CSGALNACT1: variants seen among roughly 807,000 people sequenced by gnomAD.
CSGALNACT1 encodes the protein beta4GalNAcT-1.
Under a neutral mutation model 51.0 loss-of-function variants are expected in CSGALNACT1, and 52 were observed. The ratio of observed to expected loss-of-function variants is 1.02; its 90% CI spans 0.82 to 1.29. The LOEUF (loss-of-function observed/expected upper bound fraction) is 1.29. CSGALNACT1 is among the 50% of genes most tolerant of loss of function. The pLI, the probability that CSGALNACT1 is intolerant of heterozygous loss-of-function variation, is 0.00. For missense variants in CSGALNACT1, 935 were observed against 679.2 expected, an observed-to-expected ratio of 1.38 and a Z score of -4.19; for synonymous variants, 341 against 254.4, an observed-to-expected ratio of 1.34 and a Z score of -3.24.
rs533733854 is a variant in CSGALNACT1 at position 19,577,487 on chromosome 8, G to A, written c.-297+13673C>T. ...GAAGTGAGAGGATTTCTTGAGCCTA[G>A]GAATTCAAGGTTATAGTGATCTGCA... On this transcript the variant is annotated intron_variant, in intron 3 of 9. Coordinates refer to ENST00000454498, the Ensembl canonical transcript of CSGALNACT1. Among the ~76,000 whole-genome samples the A allele has an allele frequency of 6.6e-5, 10 of 151,564 alleles. No homozygotes were observed. The South Asian group carries it at 1.9e-3, about 28-fold the overall frequency.
intron 6 of CSGALNACT1, among the ~76,000 whole-genome samples, chr8:19,434,434 G>T (rs1055714079): frequency 3.3e-5 from 5 of 152,166 alleles, no homozygotes; most frequent in African/African-American, 1.2e-4. Context: ...TGAAGGATTT[G>T]AGAGTTAGTT....
At chr8:19,671,832 T>TC (rs34351542) in intron 1 of CSGALNACT1, among the ~76,000 whole-genome samples, 2 of 152,142 alleles carry the variant, frequency 1.3e-5, no homozygotes, top group African/African-American at 2.4e-5. Context: ...TTGGCTTTTT[T>TC]CCCACTTATT....
At chr8:19,419,320 T>C (rs1030903342) in intron 7 of CSGALNACT1, among the ~76,000 whole-genome samples, 4 of 151,814 alleles carry the variant, frequency 2.6e-5, no homozygotes, top group Non-Finnish European at 4.4e-5. Flanking sequence ...TGGGAGGGGG[T>C]GTGAAAGAGA....
chr8:19,586,326 T>C (rs936942404), intron 3 of CSGALNACT1, among the ~76,000 whole-genome samples: 2 of 148,862 alleles, frequency 1.3e-5, no homozygotes, highest in Non-Finnish European at 3.0e-5. Context: ...GCCACTGCAC[T>C]CCAGCCTGGG....
chr8:19,616,095 T>C (rs1288233729), intron 1 of CSGALNACT1, among the ~76,000 whole-genome samples: 2 of 152,192 alleles, frequency 1.3e-5, no homozygotes, highest in South Asian at 2.1e-4. Flanking sequence ...CATTTAATGA[T>C]GTGGCAGTGT....
chr8:19,536,259 T>G (rs1412510471), intron 3 of CSGALNACT1, among the ~76,000 whole-genome samples: 1 of 152,148 alleles, frequency 6.6e-6, no homozygotes, highest in Non-Finnish European at 1.5e-5. Flanking sequence ...CAGGGGAGGC[T>G]ACACATGCGT....
At chr8:19,596,037 A>T (rs1447756375) in intron 2 of CSGALNACT1, among the ~76,000 whole-genome samples, 1 of 151,788 alleles carries the variant, frequency 6.6e-6, no homozygotes, top group African/African-American at 2.4e-5. Context: ...CTAATTTTTA[A>T]AAATATTTTT....
At chr8:19,619,336 T>C (rs962945587) in intron 1 of CSGALNACT1, among the ~76,000 whole-genome samples, 1 of 151,540 alleles carries the variant, frequency 6.6e-6, no homozygotes, top group Non-Finnish European at 1.5e-5. Flanking sequence ...TGGCTGGAAT[T>C]TGAGATGCCT....
At chr8:19,428,566 G>A (rs946578388) in intron 6 of CSGALNACT1, among the ~76,000 whole-genome samples, 5 of 152,256 alleles carry the variant, frequency 3.3e-5, no homozygotes, top group African/African-American at 4.8e-5. Flanking sequence ...ATGAGACTTC[G>A]GTGGGAACAC....
At chr8:19,605,930 A>T (rs2051307177), upstream of CSGALNACT1, among the ~76,000 whole-genome samples, 1 of 152,214 alleles carries the variant, frequency 6.6e-6, no homozygotes, top group African/African-American at 2.4e-5. Context: ...TGTACAACTA[A>T]TAAGTGAAAG....
At chr8:19,529,694 G>T (rs2082362312) in intron 3 of CSGALNACT1, among the ~76,000 whole-genome samples, 1 of 151,968 alleles carries the variant, frequency 6.6e-6, no homozygotes, top group Non-Finnish European at 1.5e-5. Context: ...TTGTCGCTTG[G>T]TATCCATGAG....
At chr8:19,745,176 T>G (rs1264843577) in intron 1 of CSGALNACT1, among the ~76,000 whole-genome samples, 1 of 152,214 alleles carries the variant, frequency 6.6e-6, no homozygotes, top group Non-Finnish European at 1.5e-5. Context: ...ATAAAATACT[T>G]CAAATAGGGT....
intron 1 of CSGALNACT1, among the ~76,000 whole-genome samples, chr8:19,666,985 A>AAGAAAG (rs2059347899): frequency 2.4e-4 from 4 of 16,948 alleles, no homozygotes; most frequent in Non-Finnish European, 4.4e-4. Flanking sequence ...GAAAGAAAGA[A>AAGAAAG]AGAAAGAAAG....
At chr8:19,658,102 A>AC (rs1372427419) in intron 1 of CSGALNACT1, among the ~76,000 whole-genome samples, 1 of 149,706 alleles carries the variant, frequency 6.7e-6, no homozygotes, top group Non-Finnish European at 1.5e-5. Context: ...TAAAGCCCTA[A>AC]CCCCCCAATG....
chr8:19,419,170 G>C (rs6990357), intron 7 of CSGALNACT1, among the ~76,000 whole-genome samples: 75,452 of 152,000 alleles, frequency 0.5, 19,503 homozygotes, highest in East Asian at 0.82. Context: ...CTTTTCCCTT[G>C]ACTCAACTCT....
intron 1 of CSGALNACT1, among the ~76,000 whole-genome samples, chr8:19,733,515 T>C (rs2063799329): frequency 1.3e-5 from 2 of 152,150 alleles, no homozygotes; most frequent in South Asian, 4.1e-4. Context: ...CCAGCAGCTG[T>C]GTGACATATG....
intron 1 of CSGALNACT1, among the ~76,000 whole-genome samples, chr8:19,644,709 C>CAAAAAAAA (rs756025465): frequency 9.0e-5 from 2 of 22,292 alleles, no homozygotes; most frequent in African/African-American, 2.6e-4. Context: ...GACTCCGTCT[C>CAAAAAAAA]AAAAAAAAAA....
At chr8:19,583,036 C>T (rs1446608903) in intron 3 of CSGALNACT1, among the ~76,000 whole-genome samples, 1 of 152,132 alleles carries the variant, frequency 6.6e-6, no homozygotes, top group Non-Finnish European at 1.5e-5. Flanking sequence ...CACATATATA[C>T]ACTGGAGAAA....
chr8:19,495,946 C>A (rs1002935032), intron 4 of CSGALNACT1, among the ~76,000 whole-genome samples: 24 of 152,276 alleles, frequency 1.6e-4, no homozygotes, highest in African/African-American at 5.8e-4. Context: ...CTCCAGCTAA[C>A]ATAGGACTTG....
Sources: allele counts gnomAD v4.1 joint callset (sites outside exome capture counted in the v4.1 genomes callset), GRCh38; gene constraint gnomAD v4.1.1; transcripts MANE v1.5; gene names NCBI Gene and HGNC (gene_info 2026-07-23, HGNC 2026-07-21).